The following IDO2 variants were observed in gnomAD, a reference collection of about 807,000 sequenced individuals.
IDO2 encodes indoleamine 2,3-dioxygenase-like 1 protein.
A neutral mutation model predicts 45.1 loss-of-function variants in IDO2; 46 were observed. That is an observed-to-expected ratio of 1.02 (90% CI 0.80 to 1.30). The LOEUF is 1.30. Among genes scored for constraint, IDO2 ranks in the 50% most tolerant of loss-of-function variants. The probability of loss-of-function intolerance (pLI) is 0.00; values close to 1 mark genes in which losing one functional copy is unlikely to be tolerated. For missense variants in IDO2, 544 were observed against 491.8 expected (o/e 1.11, Z -1.00); for synonymous variants, 218 against 184.9 (o/e 1.18, Z -1.45).
In IDO2 at chr8:39,987,858, T is replaced by A; in HGVS notation, c.450-13T>A. 6.5e-7 allele frequency: 1 copy of A among 1,545,896 alleles called. No individual in the cohort carries two copies. Among genetic ancestry groups the A allele is most frequent in the Non-Finnish European group, 8.9e-7 (1 of 1,124,622 alleles). On this transcript the variant is annotated splice_polypyrimidine_tract_variant and intron_variant, in intron 6 of 10. Coordinates refer to ENST00000502986, the Ensembl canonical transcript of IDO2. Reference sequence around the variant, plus strand: ...CTCCACACCTCTAATCATGTGCTCCTCTCCTTCCCAAGGAACCTGGAGACC... The same window carrying A: ...CTCCACACCTCTAATCATGTGCTCCACTCCTTCCCAAGGAACCTGGAGACC...
intron 3 of IDO2, among the ~76,000 whole-genome samples, chr8:39,977,689 A>T (rs530114177): frequency 6.6e-6 from 1 of 152,350 alleles, no homozygotes; most frequent in African/African-American, 2.4e-5. Flanking sequence ...TCTAAAACAA[A>T]ACAAAACGAA....
chr8:40,003,885 C>T (rs1169974366), intron 8 of IDO2, among the ~76,000 whole-genome samples: 1 of 152,070 alleles, frequency 6.6e-6, no homozygotes, highest in African/African-American at 2.4e-5. Context: ...TTCCTTTTAT[C>T]CATTTAAGAA....
At chr8:39,945,350 C>T (rs1807714158) in intron 1 of IDO2, among the ~76,000 whole-genome samples, 1 of 152,174 alleles carries the variant, frequency 6.6e-6, no homozygotes, top group South Asian at 2.1e-4. Context: ...CTTCATGGGA[C>T]CTACATTCAA....
At chr8:40,008,869 T>C (rs143049063) in intron 9 of IDO2, among the ~76,000 whole-genome samples, 41 of 152,346 alleles carry the variant, frequency 2.7e-4, no homozygotes, top group African/African-American at 8.9e-4. Context: ...AAGTGGCCAG[T>C]ACCGAATCCT....
intron 3 of IDO2, among the ~76,000 whole-genome samples, chr8:39,967,610 C>T (rs1021892999): frequency 6.6e-5 from 10 of 152,124 alleles, no homozygotes; most frequent in Non-Finnish European, 1.5e-4. Context: ...GCCTCAGCTT[C>T]CCGAGTAGCT....
chr8:39,977,440 A>G (rs1323760607), intron 3 of IDO2, among the ~76,000 whole-genome samples: 1 of 152,244 alleles, frequency 6.6e-6, no homozygotes, highest in Non-Finnish European at 1.5e-5. Flanking sequence ...TTGGGAGGCC[A>G]AGGCGGGAGG....
chr8:39,942,638 TAACA>T lies in IDO2; in HGVS notation c.-17-6496_-17-6493del, dbSNP rs776537802. On this transcript the variant is annotated intron_variant, in intron 1 of 10. Coordinates refer to ENST00000502986, the Ensembl canonical transcript of IDO2. ...CTGGGTGACAGAATGAGACTCTGTA[TAACA>T]AACAAACAAACAAAATCAGTAAGAA... Among the ~76,000 whole-genome samples the T allele has an allele frequency of 5.9e-5, 9 of 151,954 alleles. No homozygotes were observed. In the South Asian group the frequency reaches 6.2e-4, roughly 10 times the overall value.
chr8:40,015,914 T>C (rs749736312), exon 11 of IDO2: 3 of 360,982 alleles, frequency 8.3e-6, no homozygotes, highest in South Asian at 1.4e-4. Context: ...CCAATCTAAA[T>C]GTCAAAAATC....
At chr8:39,950,955 T>C (rs1807805604) in intron 2 of IDO2, among the ~76,000 whole-genome samples, 1 of 152,074 alleles carries the variant, frequency 6.6e-6, no homozygotes, top group African/African-American at 2.4e-5. Flanking sequence ...CTTTTTATAA[T>C]CTTTGAAGAA....
In IDO2 at chr8:40,015,258, T is replaced by C. The variant is rs1290755321; in HGVS notation, c.880T>C (p.Tyr294His). Residue 294 changes from tyrosine (Y) to histidine (H), a missense_variant, in exon 11 of 11, where the codon TAC becomes CAC. Tyr to His is a moderately conservative substitution (Grantham distance 83). Transcript: ENST00000502986. ...ATTGTTTCTTTCAGGTGACTTTCTG[T>C]ACAGAATGAGGGATTACATGCCTCC... 1.9e-6 allele frequency: 3 copies of C among 1,601,352 alleles called. No individual in the cohort carries two copies. The Admixed American group carries it at 5.1e-5, about 27-fold the overall frequency.
intron 6 of IDO2, chr8:39,987,527 G>C (rs921281630): frequency 5.5e-6 from 1 of 181,914 alleles, no homozygotes; most frequent in South Asian, 1.9e-4. Context: ...GGACTTGGCT[G>C]TTGCCTGGGT....
intron 8 of IDO2, among the ~76,000 whole-genome samples, chr8:39,991,771 A>C (rs886564164): frequency 6.6e-6 from 1 of 152,084 alleles, no homozygotes; most frequent in Non-Finnish European, 1.5e-5. Context: ...GGGTTTCGCC[A>C]TGTTGGCCAG....
chr8:39,984,674 A>G (rs1808397621), intron 5 of IDO2, among the ~76,000 whole-genome samples: 1 of 152,194 alleles, frequency 6.6e-6, no homozygotes, highest in Non-Finnish European at 1.5e-5. Context: ...TGAAAGAAAT[A>G]GAAGCAAAGT....
chr8:40,001,025 C>T (rs745540705), intron 8 of IDO2, among the ~76,000 whole-genome samples: 1 of 152,036 alleles, frequency 6.6e-6, no homozygotes, highest in Admixed American at 6.6e-5. Flanking sequence ...AACAAGGTCT[C>T]GCTACATGGC....
intron 2 of IDO2, among the ~76,000 whole-genome samples, chr8:39,955,821 A>G (rs923303080): frequency 6.6e-6 from 1 of 152,196 alleles, no homozygotes; most frequent in Non-Finnish European, 1.5e-5. Context: ...AACGTTTTCT[A>G]TATTTCTAGA....
chr8:39,979,254 T>C (rs1808306186), intron 4 of IDO2, 68 bp downstream of exon 4: 4 of 1,537,964 alleles, frequency 2.6e-6, no homozygotes, highest in Non-Finnish European at 3.5e-6. Context: ...ACGTGCTCCC[T>C]GCTTGGTGCT....
intron 6 of IDO2, among the ~76,000 whole-genome samples, chr8:39,986,675 T>TAGAC (rs761175130): frequency 1.7e-5 from 2 of 116,282 alleles, no homozygotes; most frequent in African/African-American, 4.0e-5. Context: ...AGCATTGAGA[T>TAGAC]AGATAGATAG....
Position 39,966,904 on chromosome 8 carries a change from G to T in IDO2, c.195+3201G>T, listed in dbSNP as rs185159051. Among the ~76,000 whole-genome samples, 10 of 152,248 alleles carry T rather than the reference G, an allele frequency of 6.6e-5. No homozygotes were observed. The East Asian group carries it at 1.9e-3, about 29-fold the overall frequency. ...GCCCACTTGGCATTCAGGACCAATG[G>T]CCTCCAATAAATAAGATGATATTAG... On this transcript the variant is annotated intron_variant, in intron 3 of 10. Transcript: ENST00000502986.
intron 1 of IDO2, among the ~76,000 whole-genome samples, chr8:39,948,839 C>T (rs1200923773): frequency 6.6e-6 from 1 of 152,134 alleles, no homozygotes; most frequent in Non-Finnish European, 1.5e-5. Flanking sequence ...AGGTCTATTT[C>T]ATTTCTCCTT....
Sources: gnomAD v4.1 joint callset for allele counts (sites outside exome capture counted in the v4.1 genomes callset) on GRCh38, gnomAD v4.1.1 for gene constraint, MANE v1.5 for transcripts, NCBI Gene and HGNC (gene_info 2026-07-23, HGNC 2026-07-21) for gene names.